The following TUBGCP3 variants were observed in gnomAD, a reference collection of about 807,000 sequenced individuals.
TUBGCP3 encodes gamma-tubulin complex component 3.
TUBGCP3 carries 50 observed loss-of-function variants against 123.1 expected under a neutral mutation model. The observed-to-expected ratio is 0.41, with a 90% CI of 0.32 to 0.51. The LOEUF is 0.51. TUBGCP3 is among the 20% of genes least tolerant of loss of function. TUBGCP3 has a pLI of 0.36. For synonymous variants in TUBGCP3, 405 were observed against 413.9 expected, an observed-to-expected ratio of 0.98 and a Z score of 0.26; for missense variants, 882 against 1,127.0, an observed-to-expected ratio of 0.78 and a Z score of 3.11.
Position 112,556,077 on chromosome 13 carries a change from C to T in TUBGCP3, c.696G>A (p.Arg232=), listed in dbSNP as rs1277295166. ...CACCCGTATCCCCTTCTCTCCTGGA[C>T]CTTGTCATGTTGCGAGACACAGCAC... ...VPSAVSRNMT[R]SRREGDTGGT... Residue 232 remains arginine (R), a synonymous_variant, in exon 6 of 22, where the codon AGG becomes AGA. Coordinates refer to ENST00000261965, the MANE Select transcript of TUBGCP3 (RefSeq NM_006322.6). 1.2e-6 allele frequency: 2 copies of T among 1,613,890 alleles called. No individual in the cohort carries two copies. The highest frequency in any genetic ancestry group is 1.7e-6 in the Non-Finnish European group (2 of 1,179,922).
chr13:112,522,035 A>C (rs1334289143), intron 14 of TUBGCP3, among the ~76,000 whole-genome samples: 1 of 152,228 alleles, frequency 6.6e-6, no homozygotes, highest in Non-Finnish European at 1.5e-5. Flanking sequence ...TGATTTGACC[A>C]ACTCCTCATA....
Position 112,558,341 on chromosome 13 carries a change from T to C in TUBGCP3, c.403A>G (p.Arg135Gly). The C allele has an allele frequency of 6.2e-7, 1 of 1,613,618 alleles. No individual in the cohort carries two copies. Among genetic ancestry groups the C allele is most frequent in the Middle Eastern group, 1.7e-4 (1 of 6,006 alleles). ...DAHSTPYYYA[R>G]PQTLPLSYQD... ...TAGCTCAGGGGAAGGGTCTGAGGCCTGGCATAGTAGTAAGGGGTTGAGTGG... is the reference window on the plus strand; with the variant it reads ...TAGCTCAGGGGAAGGGTCTGAGGCCCGGCATAGTAGTAAGGGGTTGAGTGG... The change falls in exon 5 of 22, where the codon AGG (arginine) becomes GGG (glycine). Residue 135 changes from arginine to glycine, a missense_variant. Physicochemically the swap from Arg to Gly is moderately radical, Grantham distance 125 (BLOSUM62 -2). Around this residue, in one of 3 missense-constraint regions of TUBGCP3, gnomAD observed 713 missense variants for 874.0 expected, o/e 0.82. Coordinates refer to ENST00000261965, the MANE Select transcript of TUBGCP3 (RefSeq NM_006322.6).
At chr13:112,579,414 A>G (rs1345506236) in intron 1 of TUBGCP3, among the ~76,000 whole-genome samples, 2 of 147,856 alleles carry the variant, frequency 1.4e-5, no homozygotes, top group Non-Finnish European at 3.0e-5. Context: ...CACACTGCTG[A>G]GTGCCAGCGG....
chr13:112,590,303 G>A (rs772086345), upstream of TUBGCP3, among the ~76,000 whole-genome samples: 8 of 152,112 alleles, frequency 5.3e-5, no homozygotes, highest in South Asian at 2.1e-4. Context: ...GTGCATACAC[G>A]ATGTGACTCA....
Position 112,489,648 on chromosome 13 carries a change from A to T in TUBGCP3, c.2498T>A (p.Ile833Asn). The T allele has an allele frequency of 6.2e-7, 1 of 1,614,120 alleles. No homozygotes were observed. Among genetic ancestry groups the T allele is most frequent in the East Asian group, 2.2e-5 (1 of 44,888 alleles). ...AAEEEEENKR[I>N]GEFKESIPKM... The stretch of plus-strand genomic sequence containing the variant: ...TGGTATAGATTCTTTAAATTCTCCA[A>T]TCCTCTTATTTTCCTCCTCTTCCTC... The change falls in exon 21 of 22, where the codon ATT becomes AAT. Residue 833 changes from isoleucine (I) to asparagine (N), a missense_variant. By Grantham distance (149) the Ile-to-Asn change is moderately radical. Transcript: ENST00000261965.
chr13:112,532,385 C>T (rs942239342), intron 11 of TUBGCP3, among the ~76,000 whole-genome samples: 5 of 152,098 alleles, frequency 3.3e-5, no homozygotes, highest in Admixed American at 6.5e-5. Flanking sequence ...AATTCAAGAA[C>T]GTAGAGTTTT....
At chr13:112,588,491 CTGTT>C (rs1294690174), upstream of TUBGCP3, among the ~76,000 whole-genome samples, 1 of 152,198 alleles carries the variant, frequency 6.6e-6, no homozygotes, top group African/African-American at 2.4e-5. Flanking sequence ...AAAAAGAAGC[CTGTT>C]TAAAGGGTGC....
intron 20 of TUBGCP3, 168 bp from the exon 21 acceptor site, chr13:112,489,865 T>C (rs892439564): frequency 3.4e-6 from 2 of 589,834 alleles, no homozygotes; most frequent in African/African-American, 3.7e-5. Flanking sequence ...CTCTCCAGCT[T>C]ACTTTTTCCA....
At chr13:112,489,275 G>A (rs1003504894) in intron 21 of TUBGCP3, among the ~76,000 whole-genome samples, 2 of 152,064 alleles carry the variant, frequency 1.3e-5, no homozygotes, top group Middle Eastern at 3.2e-3. Context: ...GAGCACAGGG[G>A]CCACGCCCAG....
chr13:112,601,001 A>C, the TUBGCP3 span, among the ~76,000 whole-genome samples: 1 of 152,142 alleles, frequency 6.6e-6, no homozygotes, highest in Non-Finnish European at 1.5e-5. Flanking sequence ...CAGCCTGGCC[A>C]ACATGGCGAA....
chr13:112,549,897 G>C (rs1410860945), intron 8 of TUBGCP3, among the ~76,000 whole-genome samples: 4 of 150,790 alleles, frequency 2.7e-5, no homozygotes, highest in African/African-American at 9.8e-5. Context: ...GGCTGAGGCA[G>C]GAGAATGGCT....
intron 3 of TUBGCP3, among the ~76,000 whole-genome samples, chr13:112,559,930 T>C (rs1424477570): frequency 2.0e-5 from 3 of 148,096 alleles, no homozygotes; most frequent in African/African-American, 7.5e-5. Flanking sequence ...AGGTTAGGAG[T>C]TCGAGACCAG....
intron 17 of TUBGCP3, among the ~76,000 whole-genome samples, chr13:112,513,617 T>G (rs953730849): frequency 6.6e-6 from 1 of 152,240 alleles, no homozygotes; most frequent in African/African-American, 2.4e-5. Context: ...CTGTCTGTAC[T>G]CTGCTTCAGA....
rs1474998261 is a variant in TUBGCP3 at position 112,519,960 on chromosome 13, T to C, written c.1807A>G (p.Thr603Ala). Residue 603 changes from threonine (T) to alanine (A), a missense_variant, in exon 15 of 22, where the codon ACC becomes GCC. By Grantham distance (58) the Thr-to-Ala change is moderately conservative. This residue lies in a region of TUBGCP3 where 713 missense variants were observed against 874.0 expected (regional missense o/e 0.82). Transcript: ENST00000261965. The surrounding 1 kb of genome is among the most constrained non-coding windows in gnomAD (Gnocchi z 6.2). ...YQHNLTGILE[T>A]AVRATNAQFD... is the part of the protein sequence containing the mutation. The stretch of plus-strand genomic sequence containing the variant: ...TGTGCGTTGGTGGCTCTGACAGCGG[T>C]TTCTAGAATTCCAGTCAAGTTATGC... The C allele has an allele frequency of 1.2e-6, 2 of 1,614,002 alleles. No homozygotes were observed. The highest frequency in any genetic ancestry group is 8.5e-7 in the Non-Finnish European group (1 of 1,179,880).
intron 1 of TUBGCP3, among the ~76,000 whole-genome samples, chr13:112,576,345 G>A (rs1881805678): frequency 6.6e-6 from 1 of 152,140 alleles, no homozygotes; most frequent in African/African-American, 2.4e-5. Flanking sequence ...AGAAAGCAAT[G>A]CAACTTCTTA....
chr13:112,591,097 C>T (rs1261920599), upstream of TUBGCP3, among the ~76,000 whole-genome samples: 1 of 152,204 alleles, frequency 6.6e-6, no homozygotes, highest in Non-Finnish European at 1.5e-5. Context: ...ATACTTCAGC[C>T]AGGAGACTTT....
chr13:112,561,760 G>A lies in TUBGCP3; in HGVS notation c.253-2361C>T, dbSNP rs566888244. On this transcript the variant is annotated intron_variant, in intron 3 of 21. Transcript: ENST00000261965. ...ATGACCGGTAGGTGAAGGGAAAGAC[G>A]GCAGGAAATGTTCTACCTTTGCACT... 1.3e-4 allele frequency among the ~76,000 whole-genome samples: 20 copies of A among 152,182 alleles called. No homozygotes were observed. In the East Asian group the frequency reaches 1.4e-3, roughly 10 times the overall value.
intron 1 of TUBGCP3, among the ~76,000 whole-genome samples, chr13:112,576,998 GAAAA>G (rs147386054): frequency 7.7e-6 from 1 of 130,412 alleles, no homozygotes; most frequent in African/African-American, 2.8e-5. Context: ...AAAAAAAAAA[GAAAA>G]AAAAATCACA....
At chr13:112,599,953 T>C in the TUBGCP3 span, among the ~76,000 whole-genome samples, 3 of 152,206 alleles carry the variant, frequency 2.0e-5, no homozygotes, top group South Asian at 6.2e-4. Context: ...CTTTCTCCTA[T>C]AATTAGCATC....
Sources: gnomAD v4.1 joint callset for allele counts (sites outside exome capture counted in the v4.1 genomes callset) on GRCh38, gnomAD v4.1.1 for gene constraint, gnomAD v4.1.1 regional missense constraint, Gnocchi (gnomAD v3.1) non-coding constraint, MANE v1.5 for transcripts, NCBI Gene and HGNC (gene_info 2026-07-23, HGNC 2026-07-21) for gene names.